PTPRD: variants seen among roughly 807,000 people sequenced by gnomAD.
The protein encoded by PTPRD is protein tyrosine phosphatase receptor type D, also known as receptor-type tyrosine-protein phosphatase delta.
PTPRD carries 34 observed loss-of-function variants against 214.5 expected under a neutral mutation model. The ratio of observed to expected loss-of-function variants is 0.16; its 90% CI spans 0.12 to 0.21. The LOEUF is 0.21. Ranked by LOEUF, PTPRD falls within the 10% of genes least tolerant of loss-of-function variation. The pLI, the probability that PTPRD is intolerant of heterozygous loss-of-function variation, is 1.00. For synonymous variants in PTPRD, 1,128 were observed against 845.7 expected (o/e 1.33, Z -5.79); for missense variants, 2,545 against 2,398.7 (o/e 1.06, Z -1.27).
chr9:9,026,466 T>C (rs1029476997), intron 10 of PTPRD, among the ~76,000 whole-genome samples: 2 of 152,000 alleles, frequency 1.3e-5, no homozygotes, highest in Non-Finnish European at 2.9e-5. Context: ...TATTATCTGT[T>C]AGACAGTTTA....
chr9:10,046,129 C>T (rs938261618), intron 3 of PTPRD, among the ~76,000 whole-genome samples: 2 of 151,816 alleles, frequency 1.3e-5, no homozygotes, highest in African/African-American at 4.8e-5. Context: ...CTACTTTGCA[C>T]ACATTACTAA....
chr9:9,889,835 G>A (rs955637448), intron 5 of PTPRD, among the ~76,000 whole-genome samples: 4 of 151,866 alleles, frequency 2.6e-5, no homozygotes, highest in African/African-American at 9.7e-5. Context: ...GTGTCTGTGT[G>A]TGGTCTCTGC....
chr9:9,895,630 T>C (rs889201686), intron 5 of PTPRD, among the ~76,000 whole-genome samples: 1 of 152,004 alleles, frequency 6.6e-6, no homozygotes, highest in Non-Finnish European at 1.5e-5. Flanking sequence ...GTCAAATATA[T>C]TTACAGTTAC....
At chr9:10,202,671 G>GATATATAC (rs1554843046) in intron 3 of PTPRD, among the ~76,000 whole-genome samples, 3 of 113,128 alleles carry the variant, frequency 2.7e-5, no homozygotes, top group African/African-American at 7.1e-5. Flanking sequence ...AAATTATATG[G>GATATATAC]ATATATATAT....
chr9:8,994,528 A>C (rs1444462450), intron 11 of PTPRD, among the ~76,000 whole-genome samples: 7 of 152,114 alleles, frequency 4.6e-5, no homozygotes, highest in Admixed American at 4.6e-4. Flanking sequence ...AAATTTGAGA[A>C]TATGAAATAA....
At chr9:9,891,907 A>C (rs1366891415) in intron 5 of PTPRD, among the ~76,000 whole-genome samples, 1 of 152,148 alleles carries the variant, frequency 6.6e-6, no homozygotes, top group African/African-American at 2.4e-5. Flanking sequence ...CTATAAATTT[A>C]ATTTAAAAAC....
intron 11 of PTPRD, among the ~76,000 whole-genome samples, chr9:8,839,683 C>G (rs2097520963): frequency 6.6e-6 from 1 of 152,164 alleles, no homozygotes; most frequent in Non-Finnish European, 1.5e-5. Context: ...CATACTTCTA[C>G]ATAACAACCC....
chr9:8,621,226 A>G (rs564004489), intron 14 of PTPRD, among the ~76,000 whole-genome samples: 1 of 151,848 alleles, frequency 6.6e-6, no homozygotes, highest in South Asian at 2.1e-4. Context: ...GAGTATGGCA[A>G]GAGTTTGGTG....
In PTPRD at chr9:8,848,823, C is replaced by T. The variant is rs747537409; in HGVS notation, c.-103-114877G>A. Among the ~76,000 whole-genome samples, 29 of 149,808 alleles carry T rather than the reference C, an allele frequency of 1.9e-4. 1 individual carries two copies. The highest frequency in any genetic ancestry group is 3.7e-4 in the Non-Finnish European group (25 of 67,234). On this transcript the variant is annotated intron_variant, in intron 11 of 45. Transcript: ENST00000381196. ...TATCTATGCAACCTTGGGCAAATTA[C>T]TTAATCTCTCCATGGATCAACCCTC...
intron 5 of PTPRD, among the ~76,000 whole-genome samples, chr9:9,835,569 C>T (rs2056512293): frequency 6.6e-6 from 1 of 152,018 alleles, no homozygotes; most frequent in African/African-American, 2.4e-5. Flanking sequence ...CAAATTCATG[C>T]CTTCTTTAGC....
At chr9:9,241,435 A>G (rs1466951610) in intron 9 of PTPRD, among the ~76,000 whole-genome samples, 4 of 152,152 alleles carry the variant, frequency 2.6e-5, no homozygotes, top group African/African-American at 9.7e-5. Context: ...TTCTTAACTT[A>G]CAAATGCTTG....
chr9:8,723,955 G>A (rs921744172), intron 12 of PTPRD, among the ~76,000 whole-genome samples: 1 of 152,158 alleles, frequency 6.6e-6, no homozygotes, highest in African/African-American at 2.4e-5. Context: ...AACTGCCACA[G>A]TACTATGTTG....
intron 2 of PTPRD, among the ~76,000 whole-genome samples, chr9:10,470,898 C>T (rs2099026418): frequency 6.6e-6 from 1 of 151,956 alleles, no homozygotes. Context: ...CTGGAACCAA[C>T]CAAATGCCCA....
At chr9:9,979,843 T>G (rs147212339) in intron 4 of PTPRD, among the ~76,000 whole-genome samples, 9 of 152,138 alleles carry the variant, frequency 5.9e-5, no homozygotes, top group African/African-American at 2.2e-4. Flanking sequence ...GGTCTTTATA[T>G]AGATGAAAAT....
chr9:9,116,182 T>G (rs2099812201), intron 10 of PTPRD, among the ~76,000 whole-genome samples: 2 of 152,022 alleles, frequency 1.3e-5, no homozygotes, highest in Non-Finnish European at 1.5e-5. Flanking sequence ...CGTAACAAAC[T>G]GCTCATGTAC....
At chr9:9,189,869 T>C (rs1157152429) in intron 9 of PTPRD, among the ~76,000 whole-genome samples, 1 of 152,026 alleles carries the variant, frequency 6.6e-6, no homozygotes, top group Non-Finnish European at 1.5e-5. Context: ...TCCAGGAATA[T>C]GGTCAAAGTG....
chr9:9,200,105 G>A (rs957055603), intron 9 of PTPRD, among the ~76,000 whole-genome samples: 8 of 152,170 alleles, frequency 5.3e-5, no homozygotes, highest in African/African-American at 1.9e-4. Flanking sequence ...CTGTTAGCGA[G>A]GAAATAAGTT....
chr9:9,075,753 T>C (rs1453843063), intron 10 of PTPRD, among the ~76,000 whole-genome samples: 2 of 152,210 alleles, frequency 1.3e-5, no homozygotes, highest in Non-Finnish European at 2.9e-5. Context: ...TCCTTTTTTA[T>C]GGCTGCATAG....
rs1190781703 is a variant in PTPRD, at chr9:10,119,105, C to G, written c.-544-85315G>C. ...AAGAAACACCTCCTAAGTAATAGTA[C>G]TGCTGAGCAGTGAAATTTACTACCT... On this transcript the variant is annotated intron_variant, in intron 3 of 45. Transcript: ENST00000381196. Among the ~76,000 whole-genome samples the G allele has an allele frequency of 3.9e-5, 6 of 152,038 alleles. No homozygotes were observed. The East Asian group carries it at 9.7e-4, about 24-fold the overall frequency.
Sources: gnomAD v4.1 joint callset for allele counts (sites outside exome capture counted in the v4.1 genomes callset) on GRCh38, gnomAD v4.1.1 for gene constraint, MANE v1.5 for transcripts, NCBI Gene and HGNC (gene_info 2026-07-23, HGNC 2026-07-21) for gene names.